The following ABR variants were observed in gnomAD, a reference collection of about 807,000 sequenced individuals.
ABR encodes active breakpoint cluster region-related protein.
In ABR, 35 loss-of-function variants were observed where a neutral mutation model predicts 107.2. The observed-to-expected ratio is 0.33, with a 90% confidence interval of 0.25 to 0.43. The LOEUF (loss-of-function observed/expected upper bound fraction) is 0.43, where lower values mean the gene tolerates loss of function less well. Among genes scored for constraint, ABR ranks in the 20% least tolerant of loss-of-function variants. The probability of loss-of-function intolerance (pLI) is 1.00; values close to 1 mark genes in which losing one functional copy is unlikely to be tolerated. For missense variants in ABR, 815 were observed against 1,115.2 expected (o/e 0.73, Z 3.83); for synonymous variants, 498 against 462.0 (o/e 1.08, Z -1.00).
chr17:1,082,210 T>A (rs976676707), intron 5 of ABR, among the ~76,000 whole-genome samples: 1 of 152,170 alleles, frequency 6.6e-6, no homozygotes, highest in African/African-American at 2.4e-5. Context: ...TCTCTTGCCC[T>A]GAGCTGGGGG....
intron 9 of ABR, among the ~76,000 whole-genome samples, chr17:1,069,723 C>T (rs1031603408): frequency 2.6e-5 from 4 of 151,900 alleles, no homozygotes; most frequent in Non-Finnish European, 5.9e-5. Flanking sequence ...TGGCAGGGTC[C>T]GGCCTCCCTC....
chr17:1,219,167 C>G (rs111301995), intron 1 of ABR, among the ~76,000 whole-genome samples: 31,259 of 151,894 alleles, frequency 0.21, 3,382 homozygotes, highest in Middle Eastern at 0.22. Flanking sequence ...CTCAGCCTCT[C>G]GAGTAGCTGG....
At chr17:1,048,178 A>C (rs2031916810) in intron 16 of ABR, among the ~76,000 whole-genome samples, 1 of 152,210 alleles carries the variant, frequency 6.6e-6, no homozygotes, top group African/African-American at 2.4e-5. Context: ...TTCCTAAATC[A>C]CGAAGGACTG....
Position 1,084,834 on chromosome 17 carries a change from G to A in ABR, c.532-1207C>T, listed in dbSNP as rs558012228. 6.6e-6 allele frequency among the ~76,000 whole-genome samples: 1 copy of A among 152,316 alleles called. No individual in the cohort carries two copies. Among genetic ancestry groups the A allele is most frequent in the South Asian group, 2.1e-4 (1 of 4,828 alleles). On this transcript the variant is annotated intron_variant, in intron 4 of 22. Coordinates refer to ENST00000302538, the MANE Select transcript of ABR (RefSeq NM_021962.5). The surrounding 1 kb of genome is among the most constrained non-coding windows in gnomAD (Gnocchi z 4.2). Reference sequence around the variant, plus strand: ...GTTTTTGTTTTTGTTTTGAGATGGAGTTTCGCTCTTGTTGCCCAGGCTGCA... The same window carrying A: ...GTTTTTGTTTTTGTTTTGAGATGGAATTTCGCTCTTGTTGCCCAGGCTGCA...
chr17:1,149,209 T>C (rs2040693288), intron 1 of ABR, among the ~76,000 whole-genome samples: 1 of 151,780 alleles, frequency 6.6e-6, no homozygotes, highest in Non-Finnish European at 1.5e-5. Flanking sequence ...CCGGCCTATT[T>C]TGCCATAATT....
intron 1 of ABR, among the ~76,000 whole-genome samples, chr17:1,176,889 G>GAAAAAAT (rs1042425156): frequency 2.0e-5 from 3 of 151,080 alleles, no homozygotes; most frequent in African/African-American, 7.3e-5. Context: ...AAAGAAAAAA[G>GAAAAAAT]AAAGAAAGAG....
Position 1,092,415 on chromosome 17 carries a change from A to G in ABR, c.346-565T>C, listed in dbSNP as rs1199156300. Reference sequence around the variant, plus strand: ...CCACTGCAGCCCACCCCCGTGGCAGACATTGCTAAGCGACCGTGATGGTCC... The same window carrying G: ...CCACTGCAGCCCACCCCCGTGGCAGGCATTGCTAAGCGACCGTGATGGTCC... On this transcript the variant is annotated intron_variant, in intron 3 of 22. Transcript: ENST00000302538. The surrounding 1 kb of genome is among the most constrained non-coding windows in gnomAD (Gnocchi z 4.6). 6.6e-6 allele frequency among the ~76,000 whole-genome samples: 1 copy of G among 152,172 alleles called. No individual in the cohort carries two copies. The highest frequency in any genetic ancestry group is 1.5e-5 in the Non-Finnish European group (1 of 68,032).
chr17:1,061,053 G>A (rs1448852213), intron 10 of ABR, among the ~76,000 whole-genome samples: 4 of 152,258 alleles, frequency 2.6e-5, no homozygotes, highest in East Asian at 1.9e-4. Flanking sequence ...CTCAGAGGAC[G>A]GCACCTGTGC....
At chr17:1,087,983 C>A (rs2036733333) in intron 4 of ABR, among the ~76,000 whole-genome samples, 1 of 152,202 alleles carries the variant, frequency 6.6e-6, no homozygotes. Flanking sequence ...TCTCATAAAA[C>A]AAACAGCAGA....
intron 1 of ABR, among the ~76,000 whole-genome samples, chr17:1,128,936 T>C (rs899675627): frequency 2.7e-5 from 4 of 148,022 alleles, no homozygotes; most frequent in Non-Finnish European, 5.9e-5. Flanking sequence ...CTCGGGGCGT[T>C]TTTACATAAA....
intron 1 of ABR, among the ~76,000 whole-genome samples, chr17:1,163,307 A>T (rs148894216): frequency 5.9e-5 from 9 of 152,364 alleles, no homozygotes; most frequent in African/African-American, 2.2e-4. Flanking sequence ...TCGACTCTGT[A>T]TCGACCCTGT....
chr17:1,182,959 A>G (rs1252598808), upstream of ABR, among the ~76,000 whole-genome samples: 2 of 152,124 alleles, frequency 1.3e-5, no homozygotes, highest in Non-Finnish European at 2.9e-5. Context: ...GCCTTTGAGC[A>G]CCACAGTGAT....
At chr17:1,153,426 A>G (rs1314498286) in intron 1 of ABR, among the ~76,000 whole-genome samples, 2 of 145,090 alleles carry the variant, frequency 1.4e-5, no homozygotes, top group Non-Finnish European at 3.0e-5. Flanking sequence ...GTCCAGGCAC[A>G]CCTGCGGGAG....
intron 18 of ABR, chr17:1,012,460 A>C: frequency 1.4e-6 from 1 of 696,134 alleles, no homozygotes; most frequent in East Asian, 2.7e-5. Context: ...ACGATCTGGG[A>C]TCTCACAAGA....
intron 1 of ABR, among the ~76,000 whole-genome samples, chr17:1,217,035 A>T (rs2043023116): frequency 6.6e-6 from 1 of 152,176 alleles, no homozygotes; most frequent in South Asian, 2.1e-4. Flanking sequence ...GCCACAGAGC[A>T]TCATGGAGGC....
chr17:1,040,716 ATGCCAGGCCCCG>A (rs1286269555), intron 16 of ABR, among the ~76,000 whole-genome samples: 6 of 152,188 alleles, frequency 3.9e-5, no homozygotes, highest in Non-Finnish European at 8.8e-5. Context: ...TACTGACTCC[ATGCCAGGCCCCG>A]GGTCCAGGGT....
chr17:1,075,711 G>A lies in ABR; in HGVS notation c.701-2034C>T, dbSNP rs1026149056. ...TAATGGTTGAAAACCACTGCTTTAT[G>A]TTTTATTTATGTATTTATTTTAATT... On this transcript the variant is annotated intron_variant, in intron 6 of 22. Coordinates refer to ENST00000302538, the MANE Select transcript of ABR (RefSeq NM_021962.5). 2.6e-5 allele frequency among the ~76,000 whole-genome samples: 4 copies of A among 152,204 alleles called. No homozygotes were observed. In the South Asian group the frequency reaches 6.2e-4, roughly 24 times the overall value.
intron 14 of ABR, chr17:1,055,798 A>G (rs947629495): frequency 4.9e-5 from 24 of 492,840 alleles, no homozygotes; most frequent in Non-Finnish European, 7.7e-5. Flanking sequence ...AAGTGCTGGG[A>G]TTACAGGGGT....
chr17:1,082,467 T>C (rs987962965), intron 5 of ABR, among the ~76,000 whole-genome samples: 3 of 144,336 alleles, frequency 2.1e-5, no homozygotes, highest in East Asian at 2.2e-4. Flanking sequence ...CAGAAGCACG[T>C]GTGCTCCCGG....
Sources: gnomAD v4.1 joint callset for allele counts (sites outside exome capture counted in the v4.1 genomes callset) on GRCh38, gnomAD v4.1.1 for gene constraint, Gnocchi (gnomAD v3.1) non-coding constraint, MANE v1.5 for transcripts, NCBI Gene and HGNC (gene_info 2026-07-23, HGNC 2026-07-21) for gene names.